The following ETFDH variants were observed in gnomAD, a reference collection of about 807,000 sequenced individuals.
ETFDH encodes the protein electron transfer flavoprotein-ubiquinone oxidoreductase, mitochondrial.
Under a neutral mutation model 73.2 loss-of-function variants are expected in ETFDH, and 61 were observed. That is an observed-to-expected ratio of 0.83 (90% CI 0.68 to 1.03). ETFDH has a LOEUF of 1.03. ETFDH is among the 50% of genes least tolerant of loss of function. ETFDH has a pLI of 0.00. For missense variants in ETFDH, 685 were observed against 745.0 expected, an observed-to-expected ratio of 0.92 and a Z score of 0.94; for synonymous variants, 243 against 253.3, an observed-to-expected ratio of 0.96 and a Z score of 0.39.
At chr4:158,704,656 C>T (rs758268369) in intron 10 of ETFDH, among the ~76,000 whole-genome samples, 1 of 152,118 alleles carries the variant, frequency 6.6e-6, no homozygotes, top group Non-Finnish European at 1.5e-5. Flanking sequence ...ATGAAAACTC[C>T]GAGACTAGAG....
rs1272367778 is a variant in ETFDH, at chr4:158,694,751, T to C, written c.685-746T>C. Among the ~76,000 whole-genome samples the C allele has an allele frequency of 3.9e-5, 6 of 152,156 alleles. No homozygotes were observed. The East Asian group carries it at 1.2e-3, about 29-fold the overall frequency. On this transcript the variant is annotated intron_variant, in intron 6 of 12. Coordinates refer to ENST00000511912, the MANE Select transcript of ETFDH (RefSeq NM_004453.4). Reference sequence around the variant, plus strand: ...TGGAAATATATGCATTGCTTCAGGCTTTTTGGAAAGTAATATGATAATATC... The same window carrying C: ...TGGAAATATATGCATTGCTTCAGGCCTTTTGGAAAGTAATATGATAATATC...
intron 9 of ETFDH, among the ~76,000 whole-genome samples, chr4:158,701,567 A>T (rs1484453586): frequency 6.6e-6 from 1 of 152,046 alleles, no homozygotes; most frequent in African/African-American, 2.4e-5. Context: ...CTATTCCCTC[A>T]CAGAATTGTA....
chr4:158,680,652 TTTG>T (rs771759141), intron 2 of ETFDH, 45 bp downstream of exon 2: 267 of 1,492,158 alleles, frequency 1.8e-4, no homozygotes, highest in Non-Finnish European at 2.4e-4. Context: ...TTCTGGATAC[TTTG>T]TTTTCATTTT....
rs1367231148 is a variant in ETFDH, at chr4:158,709,305, G to T, written c.*778G>T. Reference sequence around the variant, plus strand: ...CACTTTGGGAGGCCAAGGCGGGGTGGATCACAAGGTCAGGAGTTCAAGACC... The same window carrying T: ...CACTTTGGGAGGCCAAGGCGGGGTGTATCACAAGGTCAGGAGTTCAAGACC... On this transcript the variant is annotated 3_prime_UTR_variant, in exon 13 of 13. Transcript: ENST00000511912. The T allele has an allele frequency of 1.9e-5, 3 of 154,432 alleles. No individual in the cohort carries two copies. The highest frequency in any genetic ancestry group is 7.2e-5 in the African/African-American group (3 of 41,564). 9.6% of individuals were successfully genotyped at this position (154,432 alleles called of 1,614,324 possible).
At chr4:158,678,454 G>T (rs926590592) in intron 1 of ETFDH, among the ~76,000 whole-genome samples, 4 of 151,970 alleles carry the variant, frequency 2.6e-5, no homozygotes, top group Non-Finnish European at 5.9e-5. Context: ...TCATATCAGG[G>T]ATACATGGTA....
intron 1 of ETFDH, among the ~76,000 whole-genome samples, chr4:158,674,606 G>GCT (rs1357471409): frequency 1.3e-5 from 2 of 152,164 alleles, no homozygotes; most frequent in African/African-American, 4.8e-5. Flanking sequence ...TGGCCCCAGT[G>GCT]CTATAGTTTT....
At chr4:158,691,330 G>T (rs1774160545) in intron 6 of ETFDH, among the ~76,000 whole-genome samples, 1 of 152,132 alleles carries the variant, frequency 6.6e-6, no homozygotes, top group Non-Finnish European at 1.5e-5. Flanking sequence ...TTGTTTGTTT[G>T]TTTGTTTGTT....
chr4:158,698,434 G>A (rs529697958), intron 8 of ETFDH, among the ~76,000 whole-genome samples: 21 of 151,998 alleles, frequency 1.4e-4, no homozygotes, highest in Admixed American at 6.6e-5. Flanking sequence ...TAACACTTTG[G>A]TAATGCATTA....
rs545217406 is a variant in ETFDH at position 158,709,095 on chromosome 4, A to C, written c.*568A>C. ...GTATGAAAACCTAGCATCATCCACC[A>C]TGGATACATCAAAGAATCGAAGGAA... On this transcript the variant is annotated 3_prime_UTR_variant, in exon 13 of 13. Coordinates refer to ENST00000511912, the MANE Select transcript of ETFDH (RefSeq NM_004453.4). The C allele has an allele frequency of 6.5e-6, 1 of 154,414 alleles. No homozygotes were observed. Among genetic ancestry groups the C allele is most frequent in the East Asian group, 1.9e-4 (1 of 5,232 alleles). 9.6% of individuals were successfully genotyped at this position (154,414 alleles called of 1,614,324 possible). A position where few individuals can be genotyped will look rare whatever the true frequency, so the allele number is the denominator to read the frequency against.
intron 5 of ETFDH, among the ~76,000 whole-genome samples, chr4:158,688,161 A>G (rs1365375262): frequency 1.3e-5 from 2 of 152,186 alleles, no homozygotes; most frequent in Non-Finnish European, 2.9e-5. Flanking sequence ...TGGGAGGCCC[A>G]GGTGGGCGGA....
intron 1 of ETFDH, among the ~76,000 whole-genome samples, chr4:158,674,489 C>T (rs1161268646): frequency 3.3e-5 from 5 of 152,100 alleles, no homozygotes; most frequent in South Asian, 2.1e-4. Flanking sequence ...TTAGTAGAGA[C>T]GGGGTTTTGC....
chr4:158,672,612 C>T (rs1773603727), intron 1 of ETFDH, 122 bp downstream of exon 1: 2 of 1,017,482 alleles, frequency 2.0e-6, no homozygotes, highest in South Asian at 2.6e-5. Context: ...CTATCTAGGG[C>T]AAAGGTCACG....
chr4:158,680,583 C>T lies in ETFDH; in HGVS notation c.151C>T (p.Arg51Trp), dbSNP rs187248590. 24 of 1,609,762 alleles carry T rather than the reference C, an allele frequency of 1.5e-5. No homozygotes were observed. The highest frequency in any genetic ancestry group is 6.7e-5 in the East Asian group (3 of 44,752). The change falls in exon 2 of 13, where the codon CGG (arginine) becomes TGG (tryptophan). Residue 51 changes from arginine to tryptophan, a missense_variant. Coordinates refer to ENST00000511912, the MANE Select transcript of ETFDH (RefSeq NM_004453.4). ...RITTHYTIYP[R>W]DKDKRWEGVN... The stretch of plus-strand genomic sequence containing the variant: ...TACTACCCATTATACTATTTATCCC[C>T]GGGATAAGGACAAGAGATGGGAAGG...
intron 1 of ETFDH, among the ~76,000 whole-genome samples, chr4:158,676,040 G>A (rs541497988): frequency 1.3e-5 from 2 of 152,252 alleles, no homozygotes; most frequent in Non-Finnish European, 2.9e-5. Context: ...CCCAGACAGA[G>A]CCAATTTATC....
At chr4:158,680,148 A>G (rs921395426) in intron 1 of ETFDH, 1 of 176,226 alleles carries the variant, frequency 5.7e-6, no homozygotes, top group Admixed American at 5.8e-5. Context: ...TGACCATAAA[A>G]CAAAGTTTGT....
chr4:158,674,232 A>C (rs568249808), intron 1 of ETFDH, among the ~76,000 whole-genome samples: 20 of 152,246 alleles, frequency 1.3e-4, no homozygotes, highest in Non-Finnish European at 2.6e-4. Flanking sequence ...TATTTAATAT[A>C]CTTTTTTTTT....
At chr4:158,687,852 A>T (rs1774045618) in intron 5 of ETFDH, among the ~76,000 whole-genome samples, 1 of 151,740 alleles carries the variant, frequency 6.6e-6, no homozygotes, top group Non-Finnish European at 1.5e-5. Context: ...CATCCTGGAT[A>T]ACATGGTGAA....
chr4:158,684,033 C>G (rs1179072505), intron 3 of ETFDH, among the ~76,000 whole-genome samples: 2 of 152,142 alleles, frequency 1.3e-5, no homozygotes, highest in Non-Finnish European at 2.9e-5. Context: ...GGTCACGTTT[C>G]AAAGGTGTTT....
chr4:158,691,142 C>T (rs754200902), intron 6 of ETFDH, among the ~76,000 whole-genome samples: 8 of 152,164 alleles, frequency 5.3e-5, no homozygotes, highest in Non-Finnish European at 8.8e-5. Flanking sequence ...ATGTTACAAC[C>T]AGTGCAAGGA....
Sources: allele counts gnomAD v4.1 joint callset (sites outside exome capture counted in the v4.1 genomes callset), GRCh38; gene constraint gnomAD v4.1.1; transcripts MANE v1.5; gene names NCBI Gene and HGNC (gene_info 2026-07-23, HGNC 2026-07-21).